The following PTPRN2 variants were observed in gnomAD, a reference collection of about 807,000 sequenced individuals.
PTPRN2 encodes protein tyrosine phosphatase receptor type N2.
A neutral mutation model predicts 118.8 loss-of-function variants in PTPRN2; 74 were observed. The observed-to-expected ratio is 0.62, with a 90% confidence interval of 0.52 to 0.76. The LOEUF is 0.76. Ranked by LOEUF, PTPRN2 falls within the 30% of genes least tolerant of loss-of-function variation. The pLI is 0.00. For missense variants in PTPRN2, 1,481 were observed against 1,394.4 expected (o/e 1.06, Z -0.99); for synonymous variants, 641 against 608.0 (o/e 1.05, Z -0.80).
intron 12 of PTPRN2, among the ~76,000 whole-genome samples, chr7:157,782,254 T>C (rs913096986): frequency 7.2e-5 from 11 of 152,230 alleles, no homozygotes; most frequent in African/African-American, 2.7e-4. Context: ...ATTCAGCTCA[T>C]GAGCTCAGCC....
At chr7:157,923,642 C>T (rs11976367) in intron 11 of PTPRN2, among the ~76,000 whole-genome samples, 4,609 of 152,176 alleles carry the variant, frequency 0.03, 191 homozygotes, top group African/African-American at 0.096. Flanking sequence ...CCTCAACTGA[C>T]GGATAAAACC....
intron 11 of PTPRN2, among the ~76,000 whole-genome samples, chr7:158,009,406 T>C (rs1324803085): frequency 5.3e-5 from 8 of 152,104 alleles, no homozygotes; most frequent in East Asian, 1.9e-4. Flanking sequence ...ATGGGAAAGA[T>C]AGTGTCTTAT....
chr7:158,370,410 T>G (rs1809881744), intron 2 of PTPRN2, among the ~76,000 whole-genome samples: 1 of 151,890 alleles, frequency 6.6e-6, no homozygotes. Context: ...CACTCCAGCC[T>G]GGGTGACAGA....
chr7:157,864,500 T>C (rs1810485185), intron 12 of PTPRN2: 1 of 152,198 alleles, frequency 6.6e-6, no homozygotes, highest in African/African-American at 2.4e-5. Context: ...GCATTGGGGA[T>C]GAGATTGAGA....
At chr7:157,827,639 C>T (rs1316951769) in intron 12 of PTPRN2, among the ~76,000 whole-genome samples, 6 of 152,236 alleles carry the variant, frequency 3.9e-5, no homozygotes, top group Non-Finnish European at 7.3e-5. Flanking sequence ...AGGACCCCTC[C>T]GGCATTTGGG....
intron 2 of PTPRN2, among the ~76,000 whole-genome samples, chr7:158,383,101 C>T (rs1340643333): frequency 6.6e-6 from 1 of 152,170 alleles, no homozygotes; most frequent in Non-Finnish European, 1.5e-5. Flanking sequence ...GCCTGGAGAA[C>T]ATTAAGGCTC....
chr7:157,593,076 T>C (rs13232948), intron 17 of PTPRN2, among the ~76,000 whole-genome samples: 18 of 120,906 alleles, frequency 1.5e-4, no homozygotes, highest in Admixed American at 3.3e-4. Context: ...GGTCGTTGAG[T>C]GTGGATGCCG....
chr7:158,346,176 G>A (rs1807496605), intron 2 of PTPRN2, among the ~76,000 whole-genome samples: 1 of 152,208 alleles, frequency 6.6e-6, no homozygotes, highest in Non-Finnish European at 1.5e-5. Context: ...TTTGGAATTT[G>A]TTCTCTCAGC....
At chr7:158,286,801 C>T (rs1057031264) in intron 3 of PTPRN2, among the ~76,000 whole-genome samples, 5 of 152,096 alleles carry the variant, frequency 3.3e-5, no homozygotes, top group African/African-American at 4.8e-5. Context: ...GGGATTTTGG[C>T]CTGTAATTTT....
rs866071589 is a variant in PTPRN2 at position 157,657,009 on chromosome 7, C to T, written c.2002-458G>A. On this transcript the variant is annotated intron_variant, in intron 13 of 22. Transcript: ENST00000389418. ...CACATCACACATATACACACACATA[C>T]GCCACACACACACCACACACATCAC... 8.0e-4 allele frequency among the ~76,000 whole-genome samples: 107 copies of T among 133,096 alleles called. 1 individual carries two copies. Among genetic ancestry groups the T allele is most frequent in the South Asian group, 1.5e-3 (6 of 3,892 alleles). The allele number at this position is 133,096 out of a possible 152,430, so 87.3% of individuals were successfully genotyped here. A position where few individuals can be genotyped will look rare whatever the true frequency, so the allele number is the denominator to read the frequency against.
intron 2 of PTPRN2, among the ~76,000 whole-genome samples, chr7:158,431,343 CTGGCTTGCACTGGGCTTA>C (rs1816160112): frequency 6.6e-6 from 1 of 150,534 alleles, no homozygotes; most frequent in African/African-American, 2.5e-5. Flanking sequence ...CTTGCTCACA[CTGGCTTGCACTGGGCTTA>C]GACCAGGCAC....
chr7:158,294,627 A>G (rs1054362502), intron 3 of PTPRN2, among the ~76,000 whole-genome samples: 4 of 152,030 alleles, frequency 2.6e-5, no homozygotes, highest in Admixed American at 2.6e-4. Flanking sequence ...GGCAGGGCTG[A>G]GCCAGGCCAG....
chr7:157,810,555 G>C (rs558054682), intron 12 of PTPRN2, among the ~76,000 whole-genome samples: 3 of 145,584 alleles, frequency 2.1e-5, no homozygotes, highest in Non-Finnish European at 3.0e-5. Flanking sequence ...CGGGGACGGC[G>C]GGACTGCTGG....
intron 2 of PTPRN2, among the ~76,000 whole-genome samples, chr7:158,400,490 G>T (rs902862274): frequency 2.0e-5 from 3 of 152,142 alleles, no homozygotes; most frequent in African/African-American, 7.2e-5. Context: ...GCTTTATGGT[G>T]GCTCAAGCCC....
Position 157,612,690 on chromosome 7 carries a change from AAAGT to A in PTPRN2, c.2345-8619_2345-8616del, listed in dbSNP as rs564609620. Among the ~76,000 whole-genome samples, 304 of 152,324 alleles carry A rather than the reference AAAGT, an allele frequency of 2.0e-3. 1 individual carries two copies. Among genetic ancestry groups the A allele is most frequent in the Non-Finnish European group, 3.4e-3 (231 of 68,028 alleles). ...ACTGTGCCAAGCAGGCGCGTCTGGAAAAGTAAGGGAGGAAATTCGGCGGGAACCT... is the reference window on the plus strand; with the variant it reads ...ACTGTGCCAAGCAGGCGCGTCTGGAAAAGGGAGGAAATTCGGCGGGAACCT... On this transcript the variant is annotated intron_variant, in intron 15 of 22. Coordinates refer to ENST00000389418, the MANE Select transcript of PTPRN2 (RefSeq NM_002847.5).
intron 12 of PTPRN2, among the ~76,000 whole-genome samples, chr7:157,755,131 T>C (rs1043163599): frequency 6.6e-6 from 1 of 152,186 alleles, no homozygotes; most frequent in Non-Finnish European, 1.5e-5. Context: ...GCAATCTGCC[T>C]GCCTTGGCCT....
rs1803542084 is a variant in PTPRN2, at chr7:157,779,450, C to T, written c.1789-96513G>A. On this transcript the variant is annotated intron_variant, in intron 12 of 22. Coordinates refer to ENST00000389418, the MANE Select transcript of PTPRN2 (RefSeq NM_002847.5). This position sits in a 1 kb window ranked among gnomAD's most constrained non-coding sequence, Gnocchi z 4.7. ...ATGACCGCCCACCCGCTGCCCCTCA[C>T]CACACACTGCTGCACTGTGCTCCAC... 6.6e-6 allele frequency among the ~76,000 whole-genome samples: 1 copy of T among 152,202 alleles called. No homozygotes were observed. Among genetic ancestry groups the T allele is most frequent in the Non-Finnish European group, 1.5e-5 (1 of 68,028 alleles).
chr7:158,489,486 G>T (rs1023155608), intron 2 of PTPRN2, among the ~76,000 whole-genome samples: 1 of 152,220 alleles, frequency 6.6e-6, no homozygotes, highest in African/African-American at 2.4e-5. Flanking sequence ...CTTGCCGAAG[G>T]ACAGAGCAAA....
chr7:157,828,315 T>C (rs1807322045), intron 12 of PTPRN2, among the ~76,000 whole-genome samples: 1 of 152,196 alleles, frequency 6.6e-6, no homozygotes, highest in South Asian at 2.1e-4. Flanking sequence ...GATGCTGAGC[T>C]GTGTCTTCAC....
Sources: gnomAD v4.1 joint callset for allele counts (sites outside exome capture counted in the v4.1 genomes callset) on GRCh38, gnomAD v4.1.1 for gene constraint, Gnocchi (gnomAD v3.1) non-coding constraint, MANE v1.5 for transcripts, NCBI Gene and HGNC (gene_info 2026-07-23, HGNC 2026-07-21) for gene names.